CD96: variants seen among roughly 807,000 people sequenced by gnomAD.
The protein encoded by CD96 is CD96 molecule.
CD96 carries 70 observed loss-of-function variants against 71.3 expected under a neutral mutation model. The observed-to-expected ratio is 0.98, with a 90% confidence interval of 0.81 to 1.20. The LOEUF (loss-of-function observed/expected upper bound fraction) is 1.20, where lower values mean the gene tolerates loss of function less well. Among genes scored for constraint, CD96 ranks in the 50% most tolerant of loss-of-function variants. The pLI, the probability that CD96 is intolerant of heterozygous loss-of-function variation, is 0.00. For synonymous variants in CD96, 248 were observed against 233.0 expected, an observed-to-expected ratio of 1.06 and a Z score of -0.59; for missense variants, 742 against 677.5, an observed-to-expected ratio of 1.10 and a Z score of -1.06.
Position 111,585,360 on chromosome 3 carries a change from C to T in CD96, c.789C>T (p.Ser263=). ...PEIPVIVENN[S]TDVLVERRFT... is the part of the protein sequence containing the mutation. ...TCCCTGTGATTGTGGAAAATAACTC[C>T]ACGGATGTCTTGGTAGAGGTGAGTC... The change falls in exon 5 of 14, where the codon TCC becomes TCT. Residue 263 remains serine (S), a synonymous_variant. Coordinates refer to ENST00000352690, the MANE Select transcript of CD96 (RefSeq NM_005816.5). 1 of 1,609,072 alleles carries T rather than the reference C, an allele frequency of 6.2e-7. No homozygotes were observed.
chr3:111,566,490 C>A (rs1935718603), intron 2 of CD96, among the ~76,000 whole-genome samples: 1 of 152,022 alleles, frequency 6.6e-6, no homozygotes, highest in African/African-American at 2.4e-5. Flanking sequence ...TCTAAAGTAA[C>A]AACATATATA....
At chr3:111,549,869 G>A (rs915299151) in intron 2 of CD96, among the ~76,000 whole-genome samples, 5 of 152,262 alleles carry the variant, frequency 3.3e-5, no homozygotes, top group East Asian at 1.9e-4. Context: ...TACAGAAGAC[G>A]TTAGGTAAAC....
At chr3:111,607,787 T>A (rs1207131211) in intron 8 of CD96, among the ~76,000 whole-genome samples, 1 of 152,218 alleles carries the variant, frequency 6.6e-6, no homozygotes, top group African/African-American at 2.4e-5. Flanking sequence ...AAGTTTCATA[T>A]CCATCTGATT....
chr3:111,632,083 C>A (rs1223987405), intron 10 of CD96, among the ~76,000 whole-genome samples: 1 of 152,032 alleles, frequency 6.6e-6, no homozygotes, highest in Non-Finnish European at 1.5e-5. Context: ...GATGAAGATG[C>A]CAAAAGCAAT....
chr3:111,608,148 A>AGGCTTCAGTCATCTGAAGGCCTGACTG, intron 8 of CD96, among the ~76,000 whole-genome samples: 1 of 141,620 alleles, frequency 7.1e-6, no homozygotes, highest in South Asian at 2.4e-4. Context: ...CTGGAACTAA[A>AGGCTTCAGTCATCTGAAGGCCTGACTG]GAATCTGCTT....
chr3:111,588,922 CT>C (rs1214713874), intron 5 of CD96, among the ~76,000 whole-genome samples: 6 of 149,694 alleles, frequency 4.0e-5, no homozygotes, highest in African/African-American at 1.2e-4. Flanking sequence ...AATCATACAG[CT>C]TTTGGTAGGT....
intron 14 of CD96, among the ~76,000 whole-genome samples, chr3:111,660,005 T>C (rs1202932164): frequency 5.3e-5 from 8 of 152,190 alleles, no homozygotes; most frequent in Non-Finnish European, 1.0e-4. Context: ...CTGTTATACA[T>C]AGTGCTGGAA....
At chr3:111,600,976 T>C in intron 7 of CD96, 62 bp downstream of exon 7, 7 of 1,033,214 alleles carry the variant, frequency 6.8e-6, no homozygotes, top group Non-Finnish European at 1.1e-5. Flanking sequence ...ATTCAAAATA[T>C]CTTTAATGGG....
intron 3 of CD96, among the ~76,000 whole-genome samples, chr3:111,576,633 G>A (rs190397565): frequency 1.3e-5 from 2 of 152,208 alleles, no homozygotes; most frequent in East Asian, 3.9e-4. Flanking sequence ...TACTTTGTGT[G>A]ATCTTTGATC....
rs1003100412 is a variant in CD96, at chr3:111,545,467, T to G, written c.418+65T>G. On this transcript the variant is annotated intron_variant, in intron 2 of 13. Coordinates refer to ENST00000352690, the MANE Select transcript of CD96 (RefSeq NM_005816.5). ...CTCTCTCATTCAACAAATGTACATT[T>G]TAAGAAAAGCAAGGTTAGGCTTGGT... 50 of 1,118,846 alleles carry G rather than the reference T, an allele frequency of 4.5e-5. No homozygotes were observed. In the African/African-American group the frequency reaches 6.3e-4, roughly 14 times the overall value. The allele number at this position is 1,118,846 out of a possible 1,614,324, so 69.3% of individuals were successfully genotyped here. A position where few individuals can be genotyped will look rare whatever the true frequency, so the allele number is the denominator to read the frequency against.
chr3:111,627,099 C>G (rs1938807155), intron 10 of CD96, among the ~76,000 whole-genome samples: 1 of 152,174 alleles, frequency 6.6e-6, no homozygotes, highest in South Asian at 2.1e-4. Context: ...GATGAGATAA[C>G]TCAATGAAAT....
intron 2 of CD96, among the ~76,000 whole-genome samples, chr3:111,566,999 G>T (rs748767274): frequency 2.6e-5 from 4 of 152,148 alleles, no homozygotes; most frequent in Non-Finnish European, 5.9e-5. Flanking sequence ...TGAAGTGCCA[G>T]TGTGGGTTCG....
At chr3:111,647,439 C>T in intron 12 of CD96, 104 bp from the exon 13 acceptor site, 1 of 1,015,622 alleles carries the variant, frequency 9.8e-7, no homozygotes, top group South Asian at 1.3e-5. Context: ...TGATCACAGC[C>T]AATGTTGAAG....
chr3:111,615,432 G>T (rs1459017752), intron 8 of CD96, among the ~76,000 whole-genome samples: 1 of 152,162 alleles, frequency 6.6e-6, no homozygotes, highest in African/African-American at 2.4e-5. Context: ...AAGAGACTAA[G>T]CAAACAAAAT....
chr3:111,605,241 A>C (rs899801542), intron 7 of CD96, among the ~76,000 whole-genome samples: 1 of 152,236 alleles, frequency 6.6e-6, no homozygotes, highest in Non-Finnish European at 1.5e-5. Flanking sequence ...TAGGGTAAAC[A>C]CTGAGGGGTG....
At chr3:111,660,943 A>G (rs1234591947) in intron 14 of CD96, among the ~76,000 whole-genome samples, 1 of 152,232 alleles carries the variant, frequency 6.6e-6, no homozygotes, top group Non-Finnish European at 1.5e-5. Context: ...ACTATTGATG[A>G]CATTGGCCTT....
intron 2 of CD96, 123 bp downstream of exon 2, chr3:111,545,525 A>G (rs1934352016): frequency 1.4e-6 from 1 of 728,828 alleles, no homozygotes; most frequent in Admixed American, 1.9e-5. Flanking sequence ...AGAAAGAGCT[A>G]CTGTCTGATA....
At position 111,545,212 on chromosome 3, in the gene CD96, C is replaced by T. The variant is rs1934328527; in HGVS notation, c.228C>T (p.Gly76=). ...DLIAVYHPQY[G]FYCAYGRPCE... is the part of the protein sequence containing the mutation. ...TTGCTGTCTATCATCCCCAATACGG[C>T]TTCTACTGTGCCTATGGGAGACCCT... is the stretch of plus-strand genomic sequence containing the variant. The change falls in exon 2 of 14, where the codon GGC becomes GGT. Residue 76 remains glycine, a synonymous_variant. Coordinates refer to ENST00000352690, the MANE Select transcript of CD96 (RefSeq NM_005816.5). 6.2e-7 allele frequency: 1 copy of T among 1,614,194 alleles called. No individual in the cohort carries two copies. The highest frequency in any genetic ancestry group is 2.2e-5 in the East Asian group (1 of 44,878).
chr3:111,656,963 A>G (rs1576442096), downstream of CD96, among the ~76,000 whole-genome samples: 1 of 151,992 alleles, frequency 6.6e-6, no homozygotes, highest in Non-Finnish European at 1.5e-5. Context: ...GTCTGAAAAA[A>G]AGAATATTAG....
Sources: gnomAD v4.1 joint callset for allele counts (sites outside exome capture counted in the v4.1 genomes callset) on GRCh38, gnomAD v4.1.1 for gene constraint, MANE v1.5 for transcripts, NCBI Gene and HGNC (gene_info 2026-07-23, HGNC 2026-07-21) for gene names.